PNPT1: variants seen among roughly 807,000 people sequenced by gnomAD.
PNPT1 encodes polyribonucleotide nucleotidyltransferase 1, also known as polyribonucleotide nucleotidyltransferase 1, mitochondrial.
In PNPT1, 53 loss-of-function variants were observed where a neutral mutation model predicts 119.5. The observed-to-expected ratio is 0.44, with a 90% CI of 0.36 to 0.56. The LOEUF is 0.56. Ranked by LOEUF, PNPT1 falls within the 20% of genes least tolerant of loss-of-function variation. The pLI, the probability that PNPT1 is intolerant of heterozygous loss-of-function variation, is 0.00. For missense variants in PNPT1, 948 were observed against 938.5 expected (o/e 1.01, Z -0.13); for synonymous variants, 357 against 322.1 (o/e 1.11, Z -1.16).
At chr2:55,637,861 A>G (rs1433912886) in intron 26 of PNPT1, among the ~76,000 whole-genome samples, 3 of 151,958 alleles carry the variant, frequency 2.0e-5, no homozygotes, top group East Asian at 1.9e-4. Flanking sequence ...TTAGCCGGGC[A>G]TGGTGGCGGG....
intron 25 of PNPT1, among the ~76,000 whole-genome samples, chr2:55,641,282 CAT>C (rs1491155289): frequency 6.1e-5 from 7 of 114,282 alleles, no homozygotes; most frequent in Admixed American, 1.1e-4. Context: ...TTTCCAAAAA[CAT>C]TTTTTTTTTT....
At chr2:55,675,045 G>C (rs1697022490) in intron 8 of PNPT1, among the ~76,000 whole-genome samples, 1 of 152,200 alleles carries the variant, frequency 6.6e-6, no homozygotes, top group Non-Finnish European at 1.5e-5. Flanking sequence ...AGGATTATTT[G>C]AGGCCAGGAG....
chr2:55,643,264 A>C (rs1412931009), intron 24 of PNPT1, 51 bp from the exon 25 acceptor site: 2 of 1,613,610 alleles, frequency 1.2e-6, no homozygotes, highest in Admixed American at 3.3e-5. Flanking sequence ...ATCAACAAAA[A>C]GTAGAAAAAA....
chr2:55,691,349 T>C (rs1393683089), intron 1 of PNPT1, among the ~76,000 whole-genome samples: 1 of 152,212 alleles, frequency 6.6e-6, no homozygotes, highest in Non-Finnish European at 1.5e-5. Context: ...AATAATTATA[T>C]AATCTTCCAG....
rs1572830228 is a variant in PNPT1 at position 55,679,851 on chromosome 2, C to A, written c.566-56G>T. On this transcript the variant is annotated intron_variant, in intron 7 of 27. Transcript: ENST00000447944. ...TAATGGAAATACCCAGTTTTCAAGACATTATTCCAGTCATGGCTTCAACCC... is the reference window on the plus strand; with the variant it reads ...TAATGGAAATACCCAGTTTTCAAGAAATTATTCCAGTCATGGCTTCAACCC... The A allele has an allele frequency of 1.2e-5, 14 of 1,216,444 alleles. No homozygotes were observed. In the East Asian group the frequency reaches 3.2e-4, roughly 27 times the overall value. 75.4% of individuals were successfully genotyped at this position (1,216,444 alleles called of 1,614,324 possible). A position where few individuals can be genotyped will look rare whatever the true frequency, so the allele number is the denominator to read the frequency against.
intron 5 of PNPT1, among the ~76,000 whole-genome samples, chr2:55,681,469 A>G (rs1697246412): frequency 6.6e-6 from 1 of 152,196 alleles, no homozygotes. Context: ...TGAGAATCAG[A>G]TAAATACGGT....
intron 24 of PNPT1, 45 bp from the exon 25 acceptor site, chr2:55,643,258 AC>A (rs1559086920): frequency 6.2e-7 from 1 of 1,613,752 alleles, no homozygotes; most frequent in Non-Finnish European, 8.5e-7. Context: ...GAAAACATCA[AC>A]AAAAAGTAGA....
intron 1 of PNPT1, among the ~76,000 whole-genome samples, chr2:55,689,215 A>G (rs1049597495): frequency 6.6e-6 from 1 of 152,256 alleles, no homozygotes; most frequent in Non-Finnish European, 1.5e-5. Context: ...AATATCTAGA[A>G]TATTTAAAGA....
chr2:55,693,556 A>T, intron 1 of PNPT1, 107 bp downstream of exon 1: 1 of 1,487,080 alleles, frequency 6.7e-7, no homozygotes, highest in Non-Finnish European at 9.2e-7. Context: ...GTAAGGAGAG[A>T]TTAAATAGAG....
intron 11 of PNPT1, 48 bp downstream of exon 11, chr2:55,671,271 T>G: frequency 9.1e-7 from 1 of 1,096,570 alleles, no homozygotes; most frequent in Non-Finnish European, 1.3e-6. Context: ...CATGCCTTAT[T>G]AAAGCTGCCC....
At chr2:55,638,221 G>C (rs947920641) in intron 26 of PNPT1, among the ~76,000 whole-genome samples, 6 of 151,392 alleles carry the variant, frequency 4.0e-5, no homozygotes, top group Middle Eastern at 3.4e-3. Context: ...AGAATTGCCT[G>C]AATCTGGGAG....
Position 55,645,352 on chromosome 2 carries a change from C to A in PNPT1, c.1819G>T (p.Val607Leu), listed in dbSNP as rs1186492537. Residue 607 changes from valine (V) to leucine (L), a missense_variant, in exon 22 of 28, where the codon GTA (valine) becomes TTA (leucine). Physicochemically the swap from Val to Leu is conservative, Grantham distance 32. Coordinates refer to ENST00000447944, the MANE Select transcript of PNPT1 (RefSeq NM_033109.5). Reference protein sequence around the residue: ...RASRKENGPVVETVQVPLSKR... With the variant: ...RASRKENGPVLETVQVPLSKR... ...CACTAAAATTTTAATGTATTACCTACAACAGGTCCATTTTCTTTTCTAGAT... is the reference window on the plus strand; with the variant it reads ...CACTAAAATTTTAATGTATTACCTAAAACAGGTCCATTTTCTTTTCTAGAT... 3 of 1,602,974 alleles carry A rather than the reference C, an allele frequency of 1.9e-6. No individual in the cohort carries two copies. The highest frequency in any genetic ancestry group is 2.2e-5 in the East Asian group (1 of 44,800).
intron 1 of PNPT1, among the ~76,000 whole-genome samples, chr2:55,691,635 C>T (rs1228749149): frequency 1.3e-5 from 2 of 151,906 alleles, no homozygotes; most frequent in African/African-American, 4.8e-5. Flanking sequence ...GTATCTAATG[C>T]CTATCTCACA....
intron 3 of PNPT1, among the ~76,000 whole-genome samples, 187 bp downstream of exon 3, chr2:55,686,183 G>T (rs1266803457): frequency 1.3e-5 from 2 of 152,158 alleles, no homozygotes; most frequent in African/African-American, 4.8e-5. Flanking sequence ...TCTAAAGTAT[G>T]CTTAATCCTA....
intron 5 of PNPT1, among the ~76,000 whole-genome samples, chr2:55,681,945 T>C (rs2104162037): frequency 6.6e-6 from 1 of 150,386 alleles, no homozygotes; most frequent in South Asian, 2.1e-4. Context: ...ATCAAGACCA[T>C]CCTGCCTAAC....
chr2:55,692,437 CA>C (rs1445967724), intron 1 of PNPT1, among the ~76,000 whole-genome samples: 3 of 151,942 alleles, frequency 2.0e-5, no homozygotes, highest in African/African-American at 7.3e-5. Flanking sequence ...CAAATTTTTT[CA>C]AAGTACACGT....
intron 23 of PNPT1, 90 bp from the exon 24 acceptor site, chr2:55,643,515 T>G (rs1176407015): frequency 8.9e-7 from 1 of 1,119,690 alleles, no homozygotes; most frequent in Non-Finnish European, 1.3e-6. Flanking sequence ...GGGGCTGAGG[T>G]GGGAGGATCA....
intron 1 of PNPT1, among the ~76,000 whole-genome samples, chr2:55,692,855 G>A (rs1307963593): frequency 2.6e-5 from 4 of 152,044 alleles, no homozygotes; most frequent in Non-Finnish European, 5.9e-5. Flanking sequence ...TTCCGTCTTA[G>A]CCTCCCAAAG....
At chr2:55,669,813 T>C (rs1183119437) in intron 11 of PNPT1, among the ~76,000 whole-genome samples, 1 of 150,146 alleles carries the variant, frequency 6.7e-6, no homozygotes, top group African/African-American at 2.5e-5. Context: ...CAGGCTGGAG[T>C]GCAGTGGCGG....
Sources: allele counts gnomAD v4.1 joint callset (sites outside exome capture counted in the v4.1 genomes callset), GRCh38; gene constraint gnomAD v4.1.1; transcripts MANE v1.5; gene names NCBI Gene and HGNC (gene_info 2026-07-23, HGNC 2026-07-21).